HKDC1: variants seen among roughly 807,000 people sequenced by gnomAD.
HKDC1 encodes hexokinase HKDC1.
In HKDC1, 66 loss-of-function variants were observed where a neutral mutation model predicts 96.6. The ratio of observed to expected loss-of-function variants is 0.68; its 90% CI spans 0.56 to 0.84. HKDC1 has a LOEUF of 0.84. Ranked by LOEUF, HKDC1 falls within the 40% of genes least tolerant of loss-of-function variation. The probability of loss-of-function intolerance (pLI) is 0.00; values close to 1 mark genes in which losing one functional copy is unlikely to be tolerated. For missense variants in HKDC1, 1,211 were observed against 1,208.1 expected, an observed-to-expected ratio of 1.00 and a Z score of -0.04; for synonymous variants, 466 against 473.1, an observed-to-expected ratio of 0.98 and a Z score of 0.20.
rs374745545 is a variant in HKDC1 at position 69,220,398 on chromosome 10, ATC to A, written c.-34_-33del. ...TCGTAGGAGTGAACACTGCACAGGA[ATC>A]TCTGCCCATCTCAGGAGAAACCAAA... On this transcript the variant is annotated 5_prime_UTR_variant, in exon 1 of 18. Coordinates refer to ENST00000354624, the MANE Select transcript of HKDC1 (RefSeq NM_025130.4). The A allele has an allele frequency of 2.6e-4, 403 of 1,535,568 alleles. 5 individuals carry two copies. In the South Asian group the frequency reaches 4.2e-3, roughly 16 times the overall value.
At position 69,261,122 on chromosome 10, in the gene HKDC1, C is replaced by T; in HGVS notation, c.2217-17C>T. ...CATTGCAGGTCTGCCCCAACCTTAT[C>T]CTTCTTCTCCAAACAGATACGAGAA... On this transcript the variant is annotated splice_polypyrimidine_tract_variant and intron_variant, in intron 15 of 17. Coordinates refer to ENST00000354624, the MANE Select transcript of HKDC1 (RefSeq NM_025130.4). 1 of 1,608,256 alleles carries T rather than the reference C, an allele frequency of 6.2e-7. No individual in the cohort carries two copies. Among genetic ancestry groups the T allele is most frequent in the Non-Finnish European group, 8.5e-7 (1 of 1,174,976 alleles).
In HKDC1 at chr10:69,235,421, GAAACAAAC is replaced by G. The variant is rs140573620; in HGVS notation, c.495+2300_495+2307del. Among the ~76,000 whole-genome samples, 160 of 148,154 alleles carry G rather than the reference GAAACAAAC, an allele frequency of 1.1e-3. 1 individual carries two copies. Among genetic ancestry groups the G allele is most frequent in the Middle Eastern group, 3.4e-3 (1 of 290 alleles). ...TGGGTGACAGCGCGAGACTCTGTCA[GAAACAAAC>G]AAACAAACAAAAAACAACAACAAGC... On this transcript the variant is annotated intron_variant, in intron 4 of 17. Coordinates refer to ENST00000354624, the MANE Select transcript of HKDC1 (RefSeq NM_025130.4).
intron 4 of HKDC1, among the ~76,000 whole-genome samples, chr10:69,236,780 C>CA (rs11294938): frequency 5.5e-4 from 73 of 133,658 alleles, no homozygotes; most frequent in Admixed American, 8.4e-4. Flanking sequence ...AACTTCGTTT[C>CA]AAAAAAAAAA....
intron 10 of HKDC1, chr10:69,248,943 C>CA (rs1255823972): frequency 1.4e-5 from 8 of 558,318 alleles, no homozygotes; most frequent in Middle Eastern, 9.4e-4. Flanking sequence ...AACAAAAACA[C>CA]AAAAAGCCTA....
chr10:69,258,988 T>A, intron 15 of HKDC1, 29 bp downstream of exon 15: 1 of 1,501,658 alleles, frequency 6.7e-7, no homozygotes, highest in Admixed American at 2.4e-5. Flanking sequence ...TGCATTTATG[T>A]GGGTTGTGTA....
At chr10:69,257,198 C>T in intron 13 of HKDC1, 67 bp downstream of exon 13, 1 of 1,478,474 alleles carries the variant, frequency 6.8e-7, no homozygotes, top group Non-Finnish European at 9.5e-7. Context: ...GCTCTGCCAT[C>T]CTCTGCCCAG....
At chr10:69,225,544 G>A (rs530207192) in intron 1 of HKDC1, among the ~76,000 whole-genome samples, 9 of 152,198 alleles carry the variant, frequency 5.9e-5, no homozygotes, top group Admixed American at 3.3e-4. Context: ...TCTGGCCCCC[G>A]AGTCCCCGGA....
intron 2 of HKDC1, among the ~76,000 whole-genome samples, chr10:69,231,530 A>G (rs1473810271): frequency 6.6e-6 from 1 of 151,952 alleles, no homozygotes; most frequent in East Asian, 1.9e-4. Context: ...CTCACCCTTC[A>G]ACACTCAGCT....
intron 14 of HKDC1, 108 bp downstream of exon 14, chr10:69,257,534 C>A: frequency 1.1e-6 from 1 of 898,196 alleles, no homozygotes; most frequent in Non-Finnish European, 1.8e-6. Context: ...GAGGCTCTGC[C>A]CAAGGCAGAG....
In HKDC1 at chr10:69,245,764, G is replaced by A. The variant is rs953614737; in HGVS notation, c.876-315G>A. On this transcript the variant is annotated intron_variant, in intron 7 of 17. Transcript: ENST00000354624. ...CACAAGCACAGCATCTTTCTCTCTT[G>A]GACAGAAGCTTGATGTAGGAGTGGG... is the stretch of plus-strand genomic sequence containing the variant. Among the ~76,000 whole-genome samples, 4 of 152,186 alleles carry A rather than the reference G, an allele frequency of 2.6e-5. No individual in the cohort carries two copies. The East Asian group carries it at 7.7e-4, about 29-fold the overall frequency.
chr10:69,234,074 GA>G (rs1434480527), intron 4 of HKDC1, among the ~76,000 whole-genome samples: 1 of 151,942 alleles, frequency 6.6e-6, no homozygotes, highest in African/African-American at 2.4e-5. Flanking sequence ...AATCTTATGT[GA>G]ATAAAGACAG....
At chr10:69,238,094 T>C (rs1341987615) in intron 4 of HKDC1, among the ~76,000 whole-genome samples, 1 of 152,216 alleles carries the variant, frequency 6.6e-6, no homozygotes, top group Non-Finnish European at 1.5e-5. Flanking sequence ...GTAATGCAAA[T>C]TGAGAACCAT....
At chr10:69,245,084 A>G (rs1843519728) in intron 7 of HKDC1, among the ~76,000 whole-genome samples, 1 of 151,982 alleles carries the variant, frequency 6.6e-6, no homozygotes, top group African/African-American at 2.4e-5. Flanking sequence ...TTGTATTTTT[A>G]GTAGAGACAG....
chr10:69,232,449 G>A (rs17566219), intron 2 of HKDC1: 9,057 of 283,216 alleles, frequency 0.032, 193 homozygotes, highest in African/African-American at 0.059. Flanking sequence ...CTCCACCGTC[G>A]AGGCCACCTC....
At position 69,243,201 on chromosome 10, in the gene HKDC1, T is replaced by C. The variant is rs1454294930; in HGVS notation, c.711T>C (p.Cys237=). 4.3e-6 allele frequency: 7 copies of C among 1,614,080 alleles called. No individual in the cohort carries two copies. Among genetic ancestry groups the C allele is most frequent in the Non-Finnish European group, 5.1e-6 (6 of 1,180,046 alleles). Residue 237 remains cysteine, a synonymous_variant, in exon 7 of 18, where the codon TGT becomes TGC. Coordinates refer to ENST00000354624, the MANE Select transcript of HKDC1 (RefSeq NM_025130.4). ...GTTCAGGAACTGGCACCAATGCGTG[T>C]TACATGGAGGACATGAGCAACATTG... ...GVIIGTGTNA[C]YMEDMSNIDL...
At chr10:69,240,786 G>T in intron 6 of HKDC1, 35 bp downstream of exon 6, 2 of 1,502,932 alleles carry the variant, frequency 1.3e-6, no homozygotes, top group South Asian at 1.1e-5. Flanking sequence ...GAGGGTAGGG[G>T]AGAAGGGACT....
intron 7 of HKDC1, 130 bp from the exon 8 acceptor site, chr10:69,245,949 G>A (rs947973601): frequency 1.7e-4 from 195 of 1,155,390 alleles, no homozygotes; most frequent in South Asian, 6.0e-5. Context: ...AGCACTTTGC[G>A]AGAAGGAGGG....
At chr10:69,243,460 T>C (rs1195522708) in intron 7 of HKDC1, 95 bp downstream of exon 7, 3 of 1,015,744 alleles carry the variant, frequency 3.0e-6, no homozygotes, top group Non-Finnish European at 4.2e-6. Context: ...CAGTTGTGAC[T>C]AGCTATCCAT....
In HKDC1 at chr10:69,257,044, CAT is replaced by C; in HGVS notation, c.1847_1848del (p.Ile616ArgfsTer10). 2 of 1,613,622 alleles carry C rather than the reference CAT, an allele frequency of 1.2e-6. No homozygotes were observed. The highest frequency in any genetic ancestry group is 1.7e-4 in the Middle Eastern group (1 of 6,038). ...RQMSIDKGTL[I>X]GWTKGFKATD... ...CCCCTCCTTTCTTTCAGGGAACACT[CAT>C]AGGGTGGACCAAAGGTTTCAAGGCC... On this transcript the variant is annotated frameshift_variant, in exon 13 of 18. Transcript: ENST00000354624. LOFTEE classifies it high-confidence loss of function.
Sources: allele counts gnomAD v4.1 joint callset (sites outside exome capture counted in the v4.1 genomes callset), GRCh38; gene constraint gnomAD v4.1.1; transcripts MANE v1.5; gene names NCBI Gene and HGNC (gene_info 2026-07-23, HGNC 2026-07-21).